Variants in AGTPBP1 observed in about 807,000 individuals in gnomAD.
AGTPBP1 encodes ATP/GTP binding carboxypeptidase 1.
In AGTPBP1, 70 loss-of-function variants were observed where a neutral mutation model predicts 143.9. The observed-to-expected ratio is 0.49, with a 90% CI of 0.40 to 0.59. The LOEUF is 0.59. Among genes scored for constraint, AGTPBP1 ranks in the 20% least tolerant of loss-of-function variants. The probability of loss-of-function intolerance (pLI) is 0.00; values close to 1 mark genes in which losing one functional copy is unlikely to be tolerated. For synonymous variants in AGTPBP1, 463 were observed against 500.2 expected (o/e 0.93, Z 0.99); for missense variants, 1,229 against 1,464.5 (o/e 0.84, Z 2.62).
the AGTPBP1 span, among the ~76,000 whole-genome samples, chr9:85,762,697 C>T: frequency 1.6e-3 from 239 of 151,148 alleles, no homozygotes; most frequent in African/African-American, 5.6e-3. Context: ...GTGCAGCACA[C>T]CAACATGGCA....
rs140501759 is a variant in AGTPBP1, at chr9:85,567,987, A to C, written c.3503+7328T>G. On this transcript the variant is annotated intron_variant, in intron 25 of 25. Transcript: ENST00000357081. The stretch of plus-strand genomic sequence containing the variant: ...GTCTACTCCTAAACATAATGTACTG[A>C]AACTGAACCAGATTGAGGATAAGAA... 2.0e-5 allele frequency among the ~76,000 whole-genome samples: 3 copies of C among 152,364 alleles called. No homozygotes were observed. The East Asian group carries it at 5.8e-4, about 29-fold the overall frequency.
At chr9:85,731,104 C>T (rs780577718) in intron 1 of AGTPBP1, among the ~76,000 whole-genome samples, 5 of 152,176 alleles carry the variant, frequency 3.3e-5, no homozygotes, top group Admixed American at 6.5e-5. Context: ...GAAGTTGTGA[C>T]ATCAACTTTT....
At chr9:85,575,267 C>T (rs754864983) in intron 25 of AGTPBP1, 48 bp downstream of exon 25, 10 of 1,432,870 alleles carry the variant, frequency 7.0e-6, no homozygotes, top group Non-Finnish European at 8.3e-6. Context: ...TTAATGAAGT[C>T]TAATAATATA....
At chr9:85,689,736 A>C (rs968905477) in intron 3 of AGTPBP1, among the ~76,000 whole-genome samples, 1 of 151,332 alleles carries the variant, frequency 6.6e-6, no homozygotes, top group African/African-American at 2.4e-5. Context: ...CTCTACTAAA[A>C]ATATAAAAAA....
chr9:85,615,194 A>G (rs954803), intron 17 of AGTPBP1, among the ~76,000 whole-genome samples: 101,488 of 151,920 alleles, frequency 0.67, 35,509 homozygotes, highest in African/African-American at 0.88. Flanking sequence ...TATAAACACC[A>G]AAAACATACT....
intron 2 of AGTPBP1, among the ~76,000 whole-genome samples, chr9:85,693,531 G>A (rs1836020958): frequency 2.0e-5 from 3 of 152,148 alleles, no homozygotes; most frequent in Admixed American, 2.0e-4. Context: ...CCAGGAGGCG[G>A]AGGTTGCAGT....
Position 85,741,801 on chromosome 9 carries a change from A to G in AGTPBP1, c.-60T>C. On this transcript the variant is annotated 5_prime_UTR_variant, in exon 1 of 26. Transcript: ENST00000357081. Reference sequence around the variant, plus strand: ...GGCTCAGGATGGGGCGCTGGCGGGGACCGCGCAGAGCCGCAGCACCCGGCT... The same window carrying G: ...GGCTCAGGATGGGGCGCTGGCGGGGGCCGCGCAGAGCCGCAGCACCCGGCT... 7.3e-7 allele frequency: 1 copy of G among 1,361,236 alleles called. No homozygotes were observed. The highest frequency in any genetic ancestry group is 9.4e-7 in the Non-Finnish European group (1 of 1,059,046). 84.3% of individuals were successfully genotyped at this position (1,361,236 alleles called of 1,614,324 possible).
chr9:85,757,969 T>C, the AGTPBP1 span, among the ~76,000 whole-genome samples: 1 of 152,212 alleles, frequency 6.6e-6, no homozygotes, highest in African/African-American at 2.4e-5. Flanking sequence ...TCCTAATCTC[T>C]ACTTGGATCT....
At chr9:85,572,002 G>GTTT (rs1564019568) in intron 25 of AGTPBP1, among the ~76,000 whole-genome samples, 5 of 85,288 alleles carry the variant, frequency 5.9e-5, no homozygotes, top group Non-Finnish European at 7.9e-5. Context: ...TTGTTTGTGT[G>GTTT]TGTTTTTTTT....
At chr9:85,755,949 T>C in the AGTPBP1 span, 1 of 761,376 alleles carries the variant, frequency 1.3e-6, no homozygotes, top group African/African-American at 1.8e-5. Context: ...CTACCTGAGT[T>C]ACTCTAAGTG....
Position 85,677,457 on chromosome 9 carries a change from G to A in AGTPBP1, c.415C>T (p.Leu139Phe). 1 of 1,605,990 alleles carries A rather than the reference G, an allele frequency of 6.2e-7. No individual in the cohort carries two copies. Among genetic ancestry groups the A allele is most frequent in the South Asian group, 1.1e-5 (1 of 89,848 alleles). ...EDLMVQIHSI[L>F]AKIGPKDKKF... is the part of the protein sequence containing the mutation. The stretch of plus-strand genomic sequence containing the variant: ...TTACCTTTTGGTCCAATCTTTGCAA[G>A]AATAGAATGAATCTGTACCATTAAG... The change falls in exon 6 of 26, where the codon CTT (leucine) becomes TTT (phenylalanine). Residue 139 changes from leucine (L) to phenylalanine (F), a missense_variant. Around this residue, in one of 2 missense-constraint regions of AGTPBP1, gnomAD observed 743 missense variants for 812.2 expected, o/e 0.91. Transcript: ENST00000357081.
At chr9:85,715,825 C>A (rs1199882278) in intron 1 of AGTPBP1, among the ~76,000 whole-genome samples, 1 of 152,098 alleles carries the variant, frequency 6.6e-6, no homozygotes, top group African/African-American at 2.4e-5. Context: ...TGTGGCTTTG[C>A]CAAGCAAGTG....
chr9:85,778,939 T>C, the AGTPBP1 span, among the ~76,000 whole-genome samples: 30 of 152,232 alleles, frequency 2.0e-4, 1 homozygote, highest in South Asian at 5.8e-3. Flanking sequence ...GAGTGTCAAA[T>C]GCATTTATTT....
intron 1 of AGTPBP1, among the ~76,000 whole-genome samples, chr9:85,716,531 A>C (rs1213904437): frequency 6.6e-6 from 1 of 152,214 alleles, no homozygotes; most frequent in Non-Finnish European, 1.5e-5. Flanking sequence ...CTATGCCTCC[A>C]GTTGCTCAAT....
upstream of AGTPBP1, among the ~76,000 whole-genome samples, chr9:85,745,017 T>C (rs1824564765): frequency 6.6e-6 from 1 of 152,252 alleles, no homozygotes; most frequent in Non-Finnish European, 1.5e-5. Flanking sequence ...TTGGACTATA[T>C]AATGGAATTC....
chr9:85,668,246 C>T (rs7034907), intron 8 of AGTPBP1, among the ~76,000 whole-genome samples: 45,570 of 151,780 alleles, frequency 0.3, 7,838 homozygotes, highest in East Asian at 0.53. Context: ...ATAATGTATG[C>T]ATCTTGTTTG....
At chr9:85,772,383 C>T in the AGTPBP1 span, among the ~76,000 whole-genome samples, 2 of 152,054 alleles carry the variant, frequency 1.3e-5, no homozygotes, top group Admixed American at 1.3e-4. Context: ...AGATTATTAA[C>T]AAGTTCTGTG....
chr9:85,547,290 C>T lies in AGTPBP1; in HGVS notation c.3504-4G>A. 6.2e-7 allele frequency: 1 copy of T among 1,604,538 alleles called. No individual in the cohort carries two copies. Among genetic ancestry groups the T allele is most frequent in the African/African-American group, 1.3e-5 (1 of 74,616 alleles). On this transcript the variant is annotated splice_region_variant and splice_polypyrimidine_tract_variant and intron_variant, in intron 25 of 25. Coordinates refer to ENST00000357081, the MANE Select transcript of AGTPBP1 (RefSeq NM_001330701.2). ...ATCCAAGACATAAGTGGTAGGGCTG[C>T]AGCCAAAACACACAGAACATACAAG... is the stretch of plus-strand genomic sequence containing the variant.
intron 24 of AGTPBP1, among the ~76,000 whole-genome samples, chr9:85,578,324 C>T (rs2133083683): frequency 6.6e-6 from 1 of 152,254 alleles, no homozygotes; most frequent in East Asian, 1.9e-4. Flanking sequence ...AAAAGTCACA[C>T]ATAAGGCTGG....
Sources: allele counts gnomAD v4.1 joint callset (sites outside exome capture counted in the v4.1 genomes callset), GRCh38; gene constraint gnomAD v4.1.1; regional missense constraint gnomAD v4.1.1; transcripts MANE v1.5; gene names NCBI Gene and HGNC (gene_info 2026-07-23, HGNC 2026-07-21).